BLOC1S6: variants seen among roughly 807,000 people sequenced by gnomAD.
BLOC1S6 encodes biogenesis of lysosomal organelles complex 1 subunit 6.
BLOC1S6 carries 24 observed loss-of-function variants against 24.7 expected under a neutral mutation model. The ratio of observed to expected loss-of-function variants is 0.97; its 90% CI spans 0.70 to 1.37. The LOEUF (loss-of-function observed/expected upper bound fraction) is 1.37, where lower values mean the gene tolerates loss of function less well. BLOC1S6 is among the 40% of genes most tolerant of loss of function. BLOC1S6 has a pLI of 0.00. For synonymous variants in BLOC1S6, 76 were observed against 72.6 expected (o/e 1.05, Z -0.23); for missense variants, 175 against 196.2 (o/e 0.89, Z 0.64).
At chr15:45,588,300 T>C (rs751819) in intron 1 of BLOC1S6, among the ~76,000 whole-genome samples, 14,567 of 152,286 alleles carry the variant, frequency 0.096, 2,381 homozygotes, top group African/African-American at 0.34. Flanking sequence ...ATATGACTTC[T>C]TTGTATGTAT....
chr15:45,592,141 G>A lies in BLOC1S6; in HGVS notation c.89G>A (p.Ser30Asn), dbSNP rs1893909653. 2 of 1,613,982 alleles carry A rather than the reference G, an allele frequency of 1.2e-6. No individual in the cohort carries two copies. Among genetic ancestry groups the A allele is most frequent in the South Asian group, 1.1e-5 (1 of 91,088 alleles). Residue 30 changes from serine to asparagine, a missense_variant, in exon 2 of 5, where the codon AGT becomes AAT. Coordinates refer to ENST00000220531, the MANE Select transcript of BLOC1S6 (RefSeq NM_012388.4). ...LEAGEPTPGL[S>N]DTSPDEGLIE... ...TGATTTTTGCTGGGGACAGGTTTAAGTGACACTTCTCCAGATGAAGGGTTA... is the reference window on the plus strand; with the variant it reads ...TGATTTTTGCTGGGGACAGGTTTAAATGACACTTCTCCAGATGAAGGGTTA...
Position 45,609,503 on chromosome 15 carries a change from T to C in BLOC1S6, c.*2989T>C, listed in dbSNP as rs1894603659. On this transcript the variant is annotated 3_prime_UTR_variant, in exon 5 of 5. Coordinates refer to ENST00000220531, the MANE Select transcript of BLOC1S6 (RefSeq NM_012388.4). ...ATATCACCTGTGTTCTGAACTAAAA[T>C]GATGGGAGTTCATTTTGTATTTACT... 6.6e-6 allele frequency: 1 copy of C among 152,214 alleles called. No individual in the cohort carries two copies. The allele number at this position is 152,214 out of a possible 1,614,324, so 9.4% of individuals were successfully genotyped here. A position where few individuals can be genotyped will look rare whatever the true frequency, so the allele number is the denominator to read the frequency against.
chr15:45,592,300 T>G (rs764721180), intron 2 of BLOC1S6, 24 bp downstream of exon 2: 1 of 1,612,148 alleles, frequency 6.2e-7, no homozygotes, highest in Non-Finnish European at 8.5e-7. Flanking sequence ...AAACCAGATA[T>G]ACACTCATTT....
chr15:45,595,263 C>T (rs1277339630), intron 2 of BLOC1S6, among the ~76,000 whole-genome samples: 1 of 152,146 alleles, frequency 6.6e-6, no homozygotes, highest in Non-Finnish European at 1.5e-5. Context: ...CATTAGCCTC[C>T]CATCTTGAAG....
At chr15:45,590,205 T>A (rs1465952105) in intron 1 of BLOC1S6, among the ~76,000 whole-genome samples, 2 of 151,890 alleles carry the variant, frequency 1.3e-5, no homozygotes, top group South Asian at 2.1e-4. Flanking sequence ...ATATTTTTTC[T>A]TTTTTTGGTT....
intron 1 of BLOC1S6, among the ~76,000 whole-genome samples, chr15:45,588,757 G>A (rs1193732754): frequency 6.6e-6 from 1 of 152,164 alleles, no homozygotes; most frequent in Non-Finnish European, 1.5e-5. Flanking sequence ...CTGGCCTTCC[G>A]GTCTTAAAGC....
In BLOC1S6 at chr15:45,603,165, C is replaced by G; in HGVS notation, c.290C>G (p.Ser97Cys). Residue 97 changes from serine (S) to cysteine (C), a missense_variant, in exon 3 of 5, where the codon TCT becomes TGT. By Grantham distance (112) the Ser-to-Cys change is moderately radical (BLOSUM62 -1). Coordinates refer to ENST00000220531, the MANE Select transcript of BLOC1S6 (RefSeq NM_012388.4). ...ATTTCAAAATTTAAAGAATGTCATT[C>G]TATGTTGGATATTAATGCTTTGGTA... ...QEISKFKECH[S>C]MLDINALFAE... 6.2e-7 allele frequency: 1 copy of G among 1,602,216 alleles called. No homozygotes were observed. Among genetic ancestry groups the G allele is most frequent in the Non-Finnish European group, 8.5e-7 (1 of 1,170,028 alleles).
At position 45,606,626 on chromosome 15, in the gene BLOC1S6, C is replaced by G; in HGVS notation, c.*112C>G. The G allele has an allele frequency of 6.8e-7, 1 of 1,468,010 alleles. No homozygotes were observed. Among genetic ancestry groups the G allele is most frequent in the East Asian group, 2.3e-5 (1 of 44,052 alleles). 90.9% of individuals were successfully genotyped at this position (1,468,010 alleles called of 1,614,324 possible). On this transcript the variant is annotated 3_prime_UTR_variant, in exon 5 of 5. Coordinates refer to ENST00000220531, the MANE Select transcript of BLOC1S6 (RefSeq NM_012388.4). ...TGCCATTATGTCATATGTTGAAATC[C>G]TTATTCCGGTATTACTGTGTCTCCA...
At chr15:45,602,161 G>A (rs1407172799) in intron 2 of BLOC1S6, among the ~76,000 whole-genome samples, 3 of 152,064 alleles carry the variant, frequency 2.0e-5, no homozygotes, top group Non-Finnish European at 4.4e-5. Context: ...CTCTCAAAGT[G>A]CTGGGATTAT....
chr15:45,603,584 C>T (rs1313068210), intron 3 of BLOC1S6, among the ~76,000 whole-genome samples: 20 of 152,116 alleles, frequency 1.3e-4, no homozygotes, highest in Admixed American at 1.2e-3. Flanking sequence ...CATGGTGGCA[C>T]ATGCCTGTAG....
chr15:45,595,517 A>G (rs969719585), intron 2 of BLOC1S6, among the ~76,000 whole-genome samples: 6 of 152,090 alleles, frequency 3.9e-5, no homozygotes, highest in Non-Finnish European at 8.8e-5. Context: ...TTCTTTGTAT[A>G]TTTTTGATAT....
chr15:45,596,681 ATTGT>A (rs1205279813), intron 2 of BLOC1S6, among the ~76,000 whole-genome samples: 6 of 144,868 alleles, frequency 4.1e-5, no homozygotes, highest in Admixed American at 6.8e-5. Flanking sequence ...TGTTGTTGTC[ATTGT>A]TTGTTTTTTT....
chr15:45,587,173 C>T (rs1361855797), upstream of BLOC1S6: 4 of 535,702 alleles, frequency 7.5e-6, no homozygotes, highest in African/African-American at 1.9e-5. Flanking sequence ...CCAGCTCCCA[C>T]CAATCGGATC....
chr15:45,605,762 G>A (rs530053325), intron 4 of BLOC1S6: 75 of 399,776 alleles, frequency 1.9e-4, no homozygotes, highest in Admixed American at 4.3e-4. Flanking sequence ...CCTAATTTTT[G>A]TATTTTTAGT....
intron 2 of BLOC1S6, among the ~76,000 whole-genome samples, chr15:45,594,934 A>G (rs1894015102): frequency 6.6e-6 from 1 of 152,126 alleles, no homozygotes. Context: ...GGGTCAGGAA[A>G]GCACTGTACT....
intron 3 of BLOC1S6, among the ~76,000 whole-genome samples, chr15:45,603,793 G>A (rs1435741826): frequency 6.6e-6 from 1 of 151,940 alleles, no homozygotes; most frequent in Non-Finnish European, 1.5e-5. Flanking sequence ...TAAAGAAAGT[G>A]CATTTCTCTT....
intron 2 of BLOC1S6, among the ~76,000 whole-genome samples, chr15:45,601,829 C>T (rs950811058): frequency 1.3e-5 from 2 of 151,938 alleles, no homozygotes; most frequent in Non-Finnish European, 2.9e-5. Flanking sequence ...TTCTGTATTT[C>T]ACTTTCTGTG....
At chr15:45,597,559 G>A (rs1894122423) in intron 2 of BLOC1S6, among the ~76,000 whole-genome samples, 1 of 152,098 alleles carries the variant, frequency 6.6e-6, no homozygotes, top group South Asian at 2.1e-4. Context: ...TTTCATTAGA[G>A]TTTTATACTT....
rs970353576 is a variant in BLOC1S6 at position 45,608,154 on chromosome 15, G to A, written c.*1640G>A. ...ACCTCTGATCACATATCAGGCTAAC[G>A]ATAGAGAAAGCATTAGGTTTAAGTT... On this transcript the variant is annotated 3_prime_UTR_variant, in exon 5 of 5. Transcript: ENST00000220531. 2 of 152,608 alleles carry A rather than the reference G, an allele frequency of 1.3e-5. No homozygotes were observed. The highest frequency in any genetic ancestry group is 2.9e-5 in the Non-Finnish European group (2 of 68,030). The allele number at this position is 152,608 out of a possible 1,614,324, so 9.5% of individuals were successfully genotyped here.
Sources: allele counts gnomAD v4.1 joint callset (sites outside exome capture counted in the v4.1 genomes callset), GRCh38; gene constraint gnomAD v4.1.1; transcripts MANE v1.5; gene names NCBI Gene and HGNC (gene_info 2026-07-23, HGNC 2026-07-21).